GNL3: variants seen among roughly 807,000 people sequenced by gnomAD.
GNL3 encodes guanine nucleotide-binding protein-like 3.
A neutral mutation model predicts 70.6 loss-of-function variants in GNL3; 77 were observed. That is an observed-to-expected ratio of 1.09 (90% CI 0.91 to 1.32). GNL3 has a LOEUF of 1.32. GNL3 is among the 40% of genes most tolerant of loss of function. GNL3 has a pLI of 0.00. For missense variants in GNL3, 634 were observed against 644.0 expected, an observed-to-expected ratio of 0.98 and a Z score of 0.17; for synonymous variants, 252 against 216.1, an observed-to-expected ratio of 1.17 and a Z score of -1.46.
chr3:52,686,004 T>A (rs2097307620), upstream of GNL3: 3 of 784,446 alleles, frequency 3.8e-6, no homozygotes, highest in Non-Finnish European at 7.0e-6. Context: ...GGCGGCAGCG[T>A]AAGTGCGTGA....
chr3:52,689,621 A>C (rs897120512), intron 6 of GNL3, among the ~76,000 whole-genome samples: 4 of 152,216 alleles, frequency 2.6e-5, no homozygotes, highest in African/African-American at 9.6e-5. Flanking sequence ...GAGCAGCAGG[A>C]AAAAGAAAAC....
intron 6 of GNL3, 158 bp downstream of exon 6, chr3:52,689,364 G>C: frequency 1.3e-6 from 1 of 776,572 alleles, no homozygotes; most frequent in South Asian, 1.4e-5. Context: ...GGGGAGCCAG[G>C]TGACTTTTAC....
intron 13 of GNL3, 60 bp from the exon 14 acceptor site, chr3:52,693,977 C>G: frequency 6.9e-7 from 1 of 1,449,180 alleles, no homozygotes; most frequent in Non-Finnish European, 9.7e-7. Context: ...TACATAACTA[C>G]TTGGATTAAA....
intron 7 of GNL3, 32 bp downstream of exon 7, chr3:52,690,736 C>G (rs543206995): frequency 7.5e-7 from 1 of 1,331,332 alleles, no homozygotes; most frequent in Non-Finnish European, 1.1e-6. Flanking sequence ...AAATGTGATT[C>G]TTTCAGATTT....
chr3:52,686,970 GCAT>G lies in GNL3; in HGVS notation c.72+146_72+148del. The G allele has an allele frequency of 4.6e-6, 3 of 656,300 alleles. No individual in the cohort carries two copies. In the South Asian group the frequency reaches 5.6e-5, roughly 12 times the overall value. The allele number at this position is 656,300 out of a possible 1,614,324, so 40.7% of individuals were successfully genotyped here. ...ACTGACCATGGGCACAAGCTCTTAG[GCAT>G]CAGGAGTGCAGCTGTGAGAAAGTGC... On this transcript the variant is annotated intron_variant, in intron 2 of 14. Transcript: ENST00000418458.
chr3:52,687,370 T>A lies in GNL3; in HGVS notation c.197T>A (p.Leu66Gln). The change falls in exon 3 of 15, where the codon CTA becomes CAA. Residue 66 changes from leucine to glutamine, a missense_variant. Leu to Gln is a moderately radical substitution (Grantham distance 113). Transcript: ENST00000418458. The stretch of plus-strand genomic sequence containing the variant: ...GAGGCTCTTCTTAGGGAAGCTGAGC[T>A]AAGGAAACAGAGGGTAAGTTATGTT... ...FKEALLREAE[L>Q]RKQRLEELKQ... 1.9e-6 allele frequency: 3 copies of A among 1,613,724 alleles called. No individual in the cohort carries two copies. The highest frequency in any genetic ancestry group is 2.5e-6 in the Non-Finnish European group (3 of 1,179,856).
At chr3:52,693,084 C>T (rs2097328939) in intron 10 of GNL3, 38 bp downstream of exon 10, 3 of 1,607,274 alleles carry the variant, frequency 1.9e-6, no homozygotes, top group Non-Finnish European at 2.6e-6. Context: ...TTGGAGCCAT[C>T]TTCTTTCATC....
rs562965047 is a variant in GNL3, at chr3:52,688,171, G to A, written c.387G>A (p.Leu129=). 2.5e-6 allele frequency: 4 copies of A among 1,606,202 alleles called. No individual in the cohort carries two copies. The South Asian group carries it at 3.3e-5, about 13-fold the overall frequency. Residue 129 remains leucine, a synonymous_variant, in exon 5 of 15, where the codon CTG becomes CTA. Transcript: ENST00000418458. ...CGGGCAAACAGAATTCAAAGAAGCT[G>A]TACTGCCAAGAACTTAAAAAGGTAT... The part of the protein sequence containing the change: ...AKSGKQNSKK[L]YCQELKKVIE...
intron 6 of GNL3, 131 bp downstream of exon 6, chr3:52,689,337 A>G: frequency 1.1e-6 from 1 of 875,002 alleles, no homozygotes; most frequent in Non-Finnish European, 1.9e-6. Flanking sequence ...ACTTTGCCAG[A>G]GACAGTGCTA....
At chr3:52,688,264 C>A in intron 5 of GNL3, 72 bp downstream of exon 5, 2 of 884,242 alleles carry the variant, frequency 2.3e-6, no homozygotes, top group Non-Finnish European at 3.8e-6. Flanking sequence ...TTTTTTTAAC[C>A]TTTTAAGATG....
chr3:52,693,295 G>C lies in GNL3; in HGVS notation c.1153G>C (p.Gly385Arg), dbSNP rs549419133. ...AAAAGGTGGAATCCCAAATGTTGAA[G>C]GTGCTGCCAAACTGCTGTGGTCTGA... is the stretch of plus-strand genomic sequence containing the variant. ...HQKGGIPNVE[G>R]AAKLLWSEWT... The change falls in exon 11 of 15, where the codon GGT becomes CGT. Residue 385 changes from glycine to arginine, a missense_variant. By Grantham distance (125) the Gly-to-Arg change is moderately radical (BLOSUM62 -2). Coordinates refer to ENST00000418458, the MANE Select transcript of GNL3 (RefSeq NM_014366.5). The C allele has an allele frequency of 6.2e-7, 1 of 1,614,144 alleles. No individual in the cohort carries two copies. Among genetic ancestry groups the C allele is most frequent in the Admixed American group, 1.7e-5 (1 of 60,004 alleles).
At position 52,693,778 on chromosome 3, in the gene GNL3, G is replaced by A. The variant is rs2097329840; in HGVS notation, c.1471G>A (p.Asp491Asn). ...QEEREDDKDS[D>N]QETVDEEVDE... is the part of the protein sequence containing the mutation. ...GGAGAGGGAGGATGACAAAGACAGT[G>A]ACCAGGAAACTGTTGATGAAGAAGT... Residue 491 changes from aspartate to asparagine, a missense_variant, in exon 13 of 15, where the codon GAC becomes AAC. By Grantham distance (23) the Asp-to-Asn change is conservative (BLOSUM62 1). Transcript: ENST00000418458. The A allele has an allele frequency of 6.2e-7, 1 of 1,614,026 alleles. No individual in the cohort carries two copies. The highest frequency in any genetic ancestry group is 8.5e-7 in the Non-Finnish European group (1 of 1,179,908).
In GNL3 at chr3:52,693,027, C is replaced by A; in HGVS notation, c.1025C>A (p.Ser342Tyr). 6.2e-7 allele frequency: 1 copy of A among 1,614,170 alleles called. No individual in the cohort carries two copies. The highest frequency in any genetic ancestry group is 8.5e-7 in the Non-Finnish European group (1 of 1,179,996). Residue 342 changes from serine to tyrosine, a missense_variant, in exon 10 of 15, where the codon TCC becomes TAC. Coordinates refer to ENST00000418458, the MANE Select transcript of GNL3 (RefSeq NM_014366.5). ...KPMEAASAILSQADARQVVLK... is the reference protein window; with the variant it reads ...KPMEAASAILYQADARQVVLK... ...ATGGAGGCTGCCAGTGCCATCCTTTCCCAGGCTGATGCTCGACAGGTAAAA... is the reference window on the plus strand; with the variant it reads ...ATGGAGGCTGCCAGTGCCATCCTTTACCAGGCTGATGCTCGACAGGTAAAA...
intron 4 of GNL3, chr3:52,687,839 C>G (rs1561252950): frequency 3.4e-6 from 2 of 593,050 alleles, no homozygotes; most frequent in East Asian, 5.6e-5. Context: ...ATTGCCAAGG[C>G]TGGTCTCAAG....
intron 1 of GNL3, 102 bp downstream of exon 1, chr3:52,686,207 G>T: frequency 7.8e-7 from 1 of 1,289,642 alleles, no homozygotes. Flanking sequence ...CTGCTGGTAT[G>T]GGGGTGGGAG....
At chr3:52,690,797 T>G in intron 7 of GNL3, 93 bp downstream of exon 7, 1 of 1,152,828 alleles carries the variant, frequency 8.7e-7, no homozygotes, top group Non-Finnish European at 1.3e-6. Flanking sequence ...GAATGAAAAA[T>G]TACAAGATCC....
In GNL3 at chr3:52,692,915, GAT is replaced by G. The variant is rs759360561; in HGVS notation, c.915_916del (p.Asp305GlufsTer10). The G allele has an allele frequency of 3.1e-6, 5 of 1,613,492 alleles. No individual in the cohort carries two copies. The highest frequency in any genetic ancestry group is 2.5e-6 in the Non-Finnish European group (3 of 1,179,602). On this transcript the variant is annotated frameshift_variant, in exon 10 of 15. Coordinates refer to ENST00000418458, the MANE Select transcript of GNL3 (RefSeq NM_014366.5). LOFTEE classifies it high-confidence loss of function. ...CTTGGACAAACAGATCACAATCATA[GAT>G]AGTCCGAGCTTCATCGTATCTCCAC... The part of the protein sequence containing the change: ...VPLDKQITII[D>X]SPSFIVSPLN...
At position 52,690,317 on chromosome 3, in the gene GNL3, C is replaced by T. The variant is rs547754273; in HGVS notation, c.542-275C>T. ...TTGCTGTGTCACCCAGGCTGGAGTGCAGTGGCGCCATCTCAGCTCACTGCA... is the reference window on the plus strand; with the variant it reads ...TTGCTGTGTCACCCAGGCTGGAGTGTAGTGGCGCCATCTCAGCTCACTGCA... On this transcript the variant is annotated intron_variant, in intron 6 of 14. Transcript: ENST00000418458. 1.5e-4 allele frequency among the ~76,000 whole-genome samples: 23 copies of T among 152,128 alleles called. 1 individual carries two copies. Among genetic ancestry groups the T allele is most frequent in the Non-Finnish European group, 2.5e-4 (17 of 68,022 alleles).
At position 52,694,181 on chromosome 3, in the gene GNL3, C is replaced by T. The variant is rs1553911692; in HGVS notation, c.1568-12C>T. ...TACTTTTTGAAAATCTCTTTATTTT[C>T]CTGCAATATAGGTGAACAGTCTACA... On this transcript the variant is annotated splice_polypyrimidine_tract_variant and intron_variant, in intron 14 of 14. Transcript: ENST00000418458. 1.9e-5 allele frequency: 30 copies of T among 1,599,062 alleles called. No individual in the cohort carries two copies. The highest frequency in any genetic ancestry group is 2.5e-5 in the Non-Finnish European group (29 of 1,166,680).
Sources: gnomAD v4.1 joint callset for allele counts (sites outside exome capture counted in the v4.1 genomes callset) on GRCh38, gnomAD v4.1.1 for gene constraint, MANE v1.5 for transcripts, NCBI Gene and HGNC (gene_info 2026-07-23, HGNC 2026-07-21) for gene names.